SQSTM1: variants seen among roughly 807,000 people sequenced by gnomAD.
SQSTM1 encodes sequestosome 1.
SQSTM1 carries 36 observed loss-of-function variants against 45.1 expected under a neutral mutation model. The observed-to-expected ratio is 0.80, with a 90% CI of 0.61 to 1.05. The LOEUF is 1.05. SQSTM1 is among the 50% of genes least tolerant of loss of function. The pLI is 0.00. For missense variants in SQSTM1, 617 were observed against 607.1 expected (o/e 1.02, Z -0.17); for synonymous variants, 290 against 244.3 (o/e 1.19, Z -1.74).
Position 179,837,488 on chromosome 5 carries a change from G to T in SQSTM1, c.*895G>T. On this transcript the variant is annotated 3_prime_UTR_variant, in exon 8 of 8. Transcript: ENST00000389805. ...CTCCAGGACCAGGGGCCCACCCTCT[G>T]CCCAGGGAGTCCTTGCGTCCCATGA... is the stretch of plus-strand genomic sequence containing the variant. The T allele has an allele frequency of 6.2e-7, 1 of 1,614,120 alleles. No homozygotes were observed. The highest frequency in any genetic ancestry group is 1.1e-5 in the South Asian group (1 of 91,086).
chr5:179,821,136 A>G lies in SQSTM1; in HGVS notation c.200A>G (p.Tyr67Cys). 7.4e-7 allele frequency: 1 copy of G among 1,350,776 alleles called. No homozygotes were observed. The highest frequency in any genetic ancestry group is 9.5e-7 in the Non-Finnish European group (1 of 1,057,380). 83.7% of individuals were successfully genotyped at this position (1,350,776 alleles called of 1,614,324 possible). A position where few individuals can be genotyped will look rare whatever the true frequency, so the allele number is the denominator to read the frequency against. The change falls in exon 1 of 8, where the codon TAC becomes TGC. Residue 67 changes from tyrosine to cysteine, a missense_variant. Coordinates refer to ENST00000389805, the MANE Select transcript of SQSTM1 (RefSeq NM_003900.5). ...CGGCCTGGCGGCTTCCAGGCGCACT[A>G]CCGCGGTGAGCGGGCCGGGGAGCGG... ...ALRPGGFQAHYRDEDGDLVAF... is the reference protein window; with the variant it reads ...ALRPGGFQAHCRDEDGDLVAF...
intron 5 of SQSTM1, among the ~76,000 whole-genome samples, chr5:179,832,357 T>C (rs1250239440): frequency 6.6e-6 from 1 of 152,224 alleles, no homozygotes; most frequent in Non-Finnish European, 1.5e-5. Context: ...CCTCTGTCCC[T>C]GGTGAGTCAC....
chr5:179,817,876 G>A (rs929695881), upstream of SQSTM1, among the ~76,000 whole-genome samples: 2 of 152,094 alleles, frequency 1.3e-5, no homozygotes, highest in African/African-American at 4.8e-5. Context: ...AGGCTTGGTG[G>A]CAGGCACCTG....
At position 179,831,311 on chromosome 5, in the gene SQSTM1, C is replaced by A. The variant is rs530074946; in HGVS notation, c.755-1721C>A. On this transcript the variant is annotated intron_variant, in intron 5 of 7. Transcript: ENST00000389805. ...CCAGTGGGGTCTCTGATCCACTTCA[C>A]CCTTGTAGAAAACTATGGAGATGCT... 5.0e-4 allele frequency among the ~76,000 whole-genome samples: 76 copies of A among 152,278 alleles called. 1 individual carries two copies. The highest frequency in any genetic ancestry group is 4.7e-3 in the Admixed American group (72 of 15,284).
upstream of SQSTM1, among the ~76,000 whole-genome samples, chr5:179,816,035 G>A (rs376530056): frequency 9.9e-5 from 15 of 152,164 alleles, no homozygotes; most frequent in Admixed American, 7.9e-4. Context: ...ACTGGGCTGC[G>A]AGTGTGCAGA....
In SQSTM1 at chr5:179,836,856, T is replaced by G; in HGVS notation, c.*263T>G. 3 of 625,300 alleles carry G rather than the reference T, an allele frequency of 4.8e-6. No individual in the cohort carries two copies. The highest frequency in any genetic ancestry group is 8.4e-6 in the Non-Finnish European group (3 of 355,282). 38.7% of individuals were successfully genotyped at this position (625,300 alleles called of 1,614,324 possible). The stretch of plus-strand genomic sequence containing the variant: ...AGACCCAAGGCTCACTGCAGCGCGC[T>G]CCTGACCCCTCCCTGCAGGGGCTAC... On this transcript the variant is annotated 3_prime_UTR_variant, in exon 8 of 8. Coordinates refer to ENST00000389805, the MANE Select transcript of SQSTM1 (RefSeq NM_003900.5).
At chr5:179,832,533 T>C (rs1407849788) in intron 5 of SQSTM1, among the ~76,000 whole-genome samples, 1 of 152,186 alleles carries the variant, frequency 6.6e-6, no homozygotes, top group East Asian at 1.9e-4. Flanking sequence ...TGGCCTTCCA[T>C]CACTGTGGCT....
intron 1 of SQSTM1, among the ~76,000 whole-genome samples, chr5:179,811,309 C>CTGCAGGGGGGAGGAGCTT (rs1757389087): frequency 7.0e-6 from 1 of 142,876 alleles, no homozygotes; most frequent in Non-Finnish European, 1.5e-5. Context: ...CACAGAAGCT[C>CTGCAGGGGGGAGGAGCTT]TGCAGGGGGG....
upstream of SQSTM1, among the ~76,000 whole-genome samples, chr5:179,817,175 C>G (rs1171202675): frequency 6.6e-6 from 1 of 152,190 alleles, no homozygotes; most frequent in Non-Finnish European, 1.5e-5. Flanking sequence ...CTCCTCCCCA[C>G]GGGCGGCCCG....
At position 179,821,156 on chromosome 5, in the gene SQSTM1, G is replaced by A; in HGVS notation, c.205+15G>A. Reference sequence around the variant, plus strand: ...GCACTACCGCGGTGAGCGGGCCGGGGAGCGGCGGGGGCGGTGACGCAGGCC... The same window carrying A: ...GCACTACCGCGGTGAGCGGGCCGGGAAGCGGCGGGGGCGGTGACGCAGGCC... On this transcript the variant is annotated intron_variant, in intron 1 of 7. Transcript: ENST00000389805. The A allele has an allele frequency of 7.5e-7, 1 of 1,330,828 alleles. No homozygotes were observed. Among genetic ancestry groups the A allele is most frequent in the Non-Finnish European group, 9.6e-7 (1 of 1,045,728 alleles). The allele number at this position is 1,330,828 out of a possible 1,614,324, so 82.4% of individuals were successfully genotyped here.
rs138335430 is a variant in SQSTM1, at chr5:179,812,915, G to A, written c.-48+1233G>A. 17 of 151,312 alleles carry A rather than the reference G, an allele frequency of 1.1e-4. No homozygotes were observed. The East Asian group carries it at 2.9e-3, about 26-fold the overall frequency. The allele number at this position is 151,312 out of a possible 1,614,324, so 9.4% of individuals were successfully genotyped here. On this transcript the variant is annotated intron_variant, in intron 2 of 5. Transcript: ENST00000514093. ...TAGTCTAGGAAAAGAGCAAATGGCC[G>A]TGTTTTTATATTTTGACTTTTGCAT...
chr5:179,807,621 TTG>T (rs1306939752), intron 1 of SQSTM1: 1 of 147,588 alleles, frequency 6.8e-6, no homozygotes, highest in Non-Finnish European at 1.5e-5. Flanking sequence ...CACGCCTTCA[TTG>T]TTTTTTTGTT....
chr5:179,833,940 G>A (rs1444283343), intron 7 of SQSTM1, among the ~76,000 whole-genome samples, 158 bp downstream of exon 7: 1 of 152,126 alleles, frequency 6.6e-6, no homozygotes, highest in Admixed American at 6.5e-5. Flanking sequence ...GTCCTATTAT[G>A]TGTACCCTGA....
rs1758317967 is a variant in SQSTM1 at position 179,833,095 on chromosome 5, C to G, written c.818C>G (p.Pro273Arg). The stretch of plus-strand genomic sequence containing the variant: ...AGAAGCCGCCTGACCCCCGTCTCTC[C>G]AGAGAGTTCCAGCACAGAGGAGAAG... ...GKRSRLTPVS[P>R]ESSSTEEKSS... is the part of the protein sequence containing the mutation. The change falls in exon 6 of 8, where the codon CCA (proline) becomes CGA (arginine). Residue 273 changes from proline to arginine, a missense_variant. Physicochemically the swap from Pro to Arg is moderately radical, Grantham distance 103. Coordinates refer to ENST00000389805, the MANE Select transcript of SQSTM1 (RefSeq NM_003900.5). The G allele has an allele frequency of 6.2e-6, 10 of 1,614,214 alleles. No individual in the cohort carries two copies. In the East Asian group the frequency reaches 1.8e-4, roughly 29 times the overall value.
chr5:179,806,471 CG>C lies in SQSTM1; in HGVS notation c.-272del. On this transcript the variant is annotated 5_prime_UTR_variant, in exon 1 of 6. Coordinates refer to the SQSTM1 transcript ENST00000514093. This position sits in a 1 kb window ranked among gnomAD's most constrained non-coding sequence, Gnocchi z 4.6. ...CCAGGTGCGCCAGGTGCGGGCCGGG[CG>C]GGGGTCGCGCTCACCTTTCTGGCCG... The C allele has an allele frequency of 4.7e-6, 6 of 1,266,482 alleles. No homozygotes were observed. Among genetic ancestry groups the C allele is most frequent in the Non-Finnish European group, 3.1e-6 (3 of 979,346 alleles). 78.5% of individuals were successfully genotyped at this position (1,266,482 alleles called of 1,614,324 possible). A position where few individuals can be genotyped will look rare whatever the true frequency, so the allele number is the denominator to read the frequency against.
chr5:179,819,743 C>T (rs1364477934), upstream of SQSTM1, among the ~76,000 whole-genome samples: 3 of 152,220 alleles, frequency 2.0e-5, no homozygotes, highest in Non-Finnish European at 4.4e-5. Flanking sequence ...TGAACCCTCT[C>T]CACAGGGCTG....
Position 179,838,019 on chromosome 5 carries a change from G to C in SQSTM1, c.*1426G>C, listed in dbSNP as rs1356087686. On this transcript the variant is annotated 3_prime_UTR_variant, in exon 8 of 8. Transcript: ENST00000389805. ...TGCTGGAAGCTGTCAGGCTGGGACAGGCTTTGATTTTGAGGGTTAGCAAGA... is the reference window on the plus strand; with the variant it reads ...TGCTGGAAGCTGTCAGGCTGGGACACGCTTTGATTTTGAGGGTTAGCAAGA... 2 of 823,206 alleles carry C rather than the reference G, an allele frequency of 2.4e-6. No homozygotes were observed. Among genetic ancestry groups the C allele is most frequent in the African/African-American group, 3.4e-5 (2 of 58,278 alleles). 51.0% of individuals were successfully genotyped at this position (823,206 alleles called of 1,614,324 possible).
intron 2 of SQSTM1, chr5:179,812,075 A>G (rs1757441718): frequency 6.6e-6 from 1 of 152,252 alleles, no homozygotes; most frequent in Non-Finnish European, 1.5e-5. Flanking sequence ...AAGTGCTGGG[A>G]TTACAGGCGT....
chr5:179,835,474 A>G (rs1758498788), intron 7 of SQSTM1: 1 of 156,916 alleles, frequency 6.4e-6, no homozygotes, highest in South Asian at 1.7e-4. Flanking sequence ...ACTCGTGGTT[A>G]GGAGCTGGAG....
Sources: gnomAD v4.1 joint callset for allele counts (sites outside exome capture counted in the v4.1 genomes callset) on GRCh38, gnomAD v4.1.1 for gene constraint, Gnocchi (gnomAD v3.1) non-coding constraint, MANE v1.5 for transcripts, NCBI Gene and HGNC (gene_info 2026-07-23, HGNC 2026-07-21) for gene names.